Variants in SAMD12 observed in about 807,000 individuals in gnomAD.
SAMD12 encodes sterile alpha motif domain-containing protein 12.
SAMD12 carries 9 observed loss-of-function variants against 15.0 expected under a neutral mutation model. The ratio of observed to expected loss-of-function variants is 0.60; its 90% CI spans 0.36 to 1.05. The LOEUF (loss-of-function observed/expected upper bound fraction) is 1.05, where lower values mean the gene tolerates loss of function less well. Among genes scored for constraint, SAMD12 ranks in the 50% least tolerant of loss-of-function variants. SAMD12 has a pLI of 0.01. For missense variants in SAMD12, 230 were observed against 234.2 expected (o/e 0.98, Z 0.12); for synonymous variants, 86 against 90.1 (o/e 0.96, Z 0.25).
intron 2 of SAMD12, among the ~76,000 whole-genome samples, chr8:118,441,380 T>C (rs114760185): frequency 0.014 from 2,055 of 152,004 alleles, 37 homozygotes; most frequent in African/African-American, 0.047. Context: ...ATGGTGCAGA[T>C]GGTGAGAGAG....
intron 1 of SAMD12, among the ~76,000 whole-genome samples, chr8:118,598,089 T>C (rs577338661): frequency 9.8e-5 from 15 of 152,354 alleles, no homozygotes; most frequent in African/African-American, 3.4e-4. Flanking sequence ...GCTAAAAGGT[T>C]CTTTAAGGTC....
chr8:118,395,308 C>T (rs993391940), intron 3 of SAMD12, among the ~76,000 whole-genome samples: 8 of 152,254 alleles, frequency 5.3e-5, no homozygotes, highest in African/African-American at 1.7e-4. Context: ...TGCTCACTCA[C>T]GACTTATGCT....
intron 2 of SAMD12, among the ~76,000 whole-genome samples, chr8:118,494,887 C>T (rs531695707): frequency 1.6e-4 from 25 of 152,308 alleles, no homozygotes; most frequent in African/African-American, 6.0e-4. Flanking sequence ...CTTCCATCTA[C>T]CCCAAATAAT....
At chr8:118,282,839 T>C (rs1207297460) in intron 4 of SAMD12, among the ~76,000 whole-genome samples, 1 of 152,176 alleles carries the variant, frequency 6.6e-6, no homozygotes, top group Non-Finnish European at 1.5e-5. Context: ...TATTTATATA[T>C]ATGTATAGAT....
In SAMD12 at chr8:118,580,885, A is replaced by C. The variant is rs775207336; in HGVS notation, c.22T>G (p.Cys8Gly). The change falls in exon 2 of 4, where the codon TGT becomes GGT. Residue 8 changes from cysteine to glycine, a missense_variant. Coordinates refer to ENST00000314727, the MANE Select transcript of SAMD12 (RefSeq NM_207506.3). ...TCAATACCCCGTGGATTCAAACCAC[A>C]GTGGAGAGCTAGGAAAAAGCAACAA... MAVEALH[C>G]GLNPRGIDHP... 1 of 1,607,346 alleles carries C rather than the reference A, an allele frequency of 6.2e-7. No homozygotes were observed. The highest frequency in any genetic ancestry group is 1.3e-5 in the African/African-American group (1 of 74,414).
chr8:118,501,257 C>A (rs1227870788), intron 2 of SAMD12, among the ~76,000 whole-genome samples: 1 of 152,112 alleles, frequency 6.6e-6, no homozygotes, highest in Non-Finnish European at 1.5e-5. Context: ...TTCCACAAAA[C>A]TAGATGTTCA....
chr8:118,439,736 G>T, intron 3 of SAMD12, 96 bp downstream of exon 3: 5 of 1,216,196 alleles, frequency 4.1e-6, no homozygotes, highest in Non-Finnish European at 4.7e-6. Context: ...GAAAATTTCA[G>T]CAGGAAGATG....
chr8:118,490,280 C>T (rs1824405987), intron 2 of SAMD12, among the ~76,000 whole-genome samples: 1 of 152,028 alleles, frequency 6.6e-6, no homozygotes, highest in South Asian at 2.1e-4. Flanking sequence ...ATATTGTTGG[C>T]AATTAGTTTA....
chr8:118,608,451 T>TG (rs1828031245), intron 1 of SAMD12, among the ~76,000 whole-genome samples: 1 of 152,102 alleles, frequency 6.6e-6, no homozygotes, highest in African/African-American at 2.4e-5. Flanking sequence ...CTCCTGCTCT[T>TG]GCTCACCTTT....
At chr8:118,247,377 CATATT>C in intron 4 of SAMD12, among the ~76,000 whole-genome samples, 1 of 152,054 alleles carries the variant, frequency 6.6e-6, no homozygotes, top group South Asian at 2.1e-4. Flanking sequence ...TTAATAATAA[CATATT>C]ATGTATTTCA....
At chr8:118,230,673 G>C (rs913709775) in intron 4 of SAMD12, among the ~76,000 whole-genome samples, 1 of 151,960 alleles carries the variant, frequency 6.6e-6, no homozygotes, top group East Asian at 1.9e-4. Flanking sequence ...TGGCAACAAG[G>C]AATCAGCCCA....
At chr8:118,251,822 A>G (rs2130017857) in intron 4 of SAMD12, among the ~76,000 whole-genome samples, 1 of 152,240 alleles carries the variant, frequency 6.6e-6, no homozygotes, top group South Asian at 2.1e-4. Flanking sequence ...TCATTAGCCA[A>G]GAGCGGGCAT....
At chr8:118,478,526 T>A (rs925024916) in intron 2 of SAMD12, among the ~76,000 whole-genome samples, 3 of 152,236 alleles carry the variant, frequency 2.0e-5, no homozygotes, top group African/African-American at 7.2e-5. Flanking sequence ...TAAAGCACAT[T>A]AGATATAGTA....
At chr8:118,446,900 A>G (rs908644291) in intron 2 of SAMD12, among the ~76,000 whole-genome samples, 2 of 152,174 alleles carry the variant, frequency 1.3e-5, no homozygotes, top group Non-Finnish European at 2.9e-5. Flanking sequence ...GAACTACAGA[A>G]TCATATATAC....
chr8:118,154,455 T>C, the SAMD12 span, among the ~76,000 whole-genome samples: 111,084 of 152,128 alleles, frequency 0.73, 42,135 homozygotes, highest in Non-Finnish European at 0.84. Flanking sequence ...TCCCATGACA[T>C]GCTGTTCATA....
intron 2 of SAMD12, among the ~76,000 whole-genome samples, chr8:118,476,009 C>A (rs1206937960): frequency 6.6e-6 from 1 of 152,148 alleles, no homozygotes; most frequent in East Asian, 1.9e-4. Context: ...GGAATCATTT[C>A]TTTAAGTAAT....
intron 1 of SAMD12, among the ~76,000 whole-genome samples, chr8:118,615,583 T>C (rs1289547416): frequency 6.6e-6 from 1 of 152,172 alleles, no homozygotes; most frequent in Admixed American, 6.5e-5. Flanking sequence ...CATAATTAAA[T>C]GCACAACAGC....
intron 1 of SAMD12, among the ~76,000 whole-genome samples, chr8:118,587,192 G>A (rs1827473170): frequency 6.6e-6 from 1 of 152,176 alleles, no homozygotes; most frequent in Non-Finnish European, 1.5e-5. Context: ...TCATGTTTAT[G>A]TCTTGCTTCT....
chr8:118,526,858 G>C (rs796529259), intron 2 of SAMD12, among the ~76,000 whole-genome samples: 3 of 152,274 alleles, frequency 2.0e-5, no homozygotes, highest in African/African-American at 7.2e-5. Context: ...CTGATCTGCA[G>C]GGCTAAAAGG....
Sources: allele counts gnomAD v4.1 joint callset (sites outside exome capture counted in the v4.1 genomes callset), GRCh38; gene constraint gnomAD v4.1.1; transcripts MANE v1.5; gene names NCBI Gene and HGNC (gene_info 2026-07-23, HGNC 2026-07-21).